IL20RA: variants seen among roughly 807,000 people sequenced by gnomAD.
IL20RA encodes the protein interleukin-20 receptor subunit alpha.
Under a neutral mutation model 36.5 loss-of-function variants are expected in IL20RA, and 29 were observed. The observed-to-expected ratio is 0.79, with a 90% CI of 0.59 to 1.08. IL20RA has a LOEUF of 1.08. Among genes scored for constraint, IL20RA ranks in the 50% least tolerant of loss-of-function variants. The probability of loss-of-function intolerance (pLI) is 0.00; values close to 1 mark genes in which losing one functional copy is unlikely to be tolerated. For missense variants in IL20RA, 652 were observed against 668.4 expected (o/e 0.98, Z 0.27); for synonymous variants, 279 against 267.1 (o/e 1.04, Z -0.43).
At chr6:137,024,666 T>C (rs1776022272) in intron 1 of IL20RA, among the ~76,000 whole-genome samples, 1 of 152,228 alleles carries the variant, frequency 6.6e-6, no homozygotes, top group African/African-American at 2.4e-5. Context: ...ACCTACCCTG[T>C]TTTTTCACAC....
intron 5 of IL20RA, among the ~76,000 whole-genome samples, chr6:137,006,334 C>T (rs1031751599): frequency 7.0e-4 from 106 of 152,322 alleles, no homozygotes; most frequent in African/African-American, 2.0e-3. Flanking sequence ...CAGAGACGTG[C>T]CAATGCTGTG....
chr6:137,001,448 C>T lies in IL20RA; in HGVS notation c.*110G>A. 2.2e-6 allele frequency: 2 copies of T among 909,792 alleles called. No homozygotes were observed. The highest frequency in any genetic ancestry group is 3.4e-6 in the Non-Finnish European group (2 of 591,482). The allele number at this position is 909,792 out of a possible 1,614,324, so 56.4% of individuals were successfully genotyped here. ...AAAAGAAATAAGTAATTCTCACAGA[C>T]ACTGACAAACTGGAAAAAACTTCTT... On this transcript the variant is annotated 3_prime_UTR_variant, in exon 7 of 7. Coordinates refer to ENST00000316649, the MANE Select transcript of IL20RA (RefSeq NM_014432.4).
chr6:137,026,242 A>T (rs1190206635), intron 1 of IL20RA, among the ~76,000 whole-genome samples: 1 of 152,220 alleles, frequency 6.6e-6, no homozygotes, highest in Non-Finnish European at 1.5e-5. Context: ...GATCTGTTGG[A>T]CACCAGGTCT....
At chr6:137,015,924 TG>T (rs1775667825) in intron 2 of IL20RA, among the ~76,000 whole-genome samples, 1 of 152,162 alleles carries the variant, frequency 6.6e-6, no homozygotes, top group African/African-American at 2.4e-5. Context: ...CCTAAAGTGC[TG>T]AGATTACAGG....
At chr6:137,018,849 T>TA (rs1201640445) in intron 1 of IL20RA, among the ~76,000 whole-genome samples, 1 of 152,198 alleles carries the variant, frequency 6.6e-6, no homozygotes, top group African/African-American at 2.4e-5. Context: ...TTTCCAGAGC[T>TA]AAAATGCTGT....
chr6:137,001,461 G>GA lies in IL20RA; in HGVS notation c.*96dup. On this transcript the variant is annotated 3_prime_UTR_variant, in exon 7 of 7. Coordinates refer to ENST00000316649, the MANE Select transcript of IL20RA (RefSeq NM_014432.4). ...AATTCTCACAGACACTGACAAACTGGAAAAAACTTCTTTCATCCCAGGTAC... is the reference window on the plus strand; with the variant it reads ...AATTCTCACAGACACTGACAAACTGGAAAAAAACTTCTTTCATCCCAGGTAC... The GA allele has an allele frequency of 8.5e-7, 1 of 1,170,836 alleles. No individual in the cohort carries two copies. Among genetic ancestry groups the GA allele is most frequent in the Non-Finnish European group, 1.2e-6 (1 of 829,552 alleles). 72.5% of individuals were successfully genotyped at this position (1,170,836 alleles called of 1,614,324 possible).
At chr6:137,003,801 GCCTCCTT>G (rs1775167463) in intron 6 of IL20RA, among the ~76,000 whole-genome samples, 1 of 152,098 alleles carries the variant, frequency 6.6e-6, no homozygotes, top group Admixed American at 6.6e-5. Context: ...CTCATCTGGA[GCCTCCTT>G]GTTTAGGGGT....
intron 1 of IL20RA, among the ~76,000 whole-genome samples, chr6:137,025,433 G>A (rs1458906008): frequency 6.6e-6 from 1 of 152,190 alleles, no homozygotes; most frequent in Non-Finnish European, 1.5e-5. Context: ...CCTTAGAAGT[G>A]TCAGAAATAA....
chr6:137,019,241 C>T (rs1248784267), intron 1 of IL20RA, among the ~76,000 whole-genome samples: 3 of 151,976 alleles, frequency 2.0e-5, no homozygotes, highest in Non-Finnish European at 2.9e-5. Flanking sequence ...ATTCTCTTGC[C>T]TCAGCCTCCC....
rs1775390365 is a variant in IL20RA, at chr6:137,009,343, C to A, written c.553G>T (p.Val185Leu). 1 of 1,613,742 alleles carries A rather than the reference C, an allele frequency of 6.2e-7. No individual in the cohort carries two copies. Among genetic ancestry groups the A allele is most frequent in the Non-Finnish European group, 8.5e-7 (1 of 1,179,714 alleles). The change falls in exon 4 of 7, where the codon GTG (valine) becomes TTG (leucine). Residue 185 changes from valine (V) to leucine (L), a missense_variant. Coordinates refer to ENST00000316649, the MANE Select transcript of IL20RA (RefSeq NM_014432.4). ...IYSNLKYNVS[V>L]LNTKSNRTWS... The stretch of plus-strand genomic sequence containing the variant: ...GTTCTGTTTGATTTAGTATTCAACA[C>A]AGACACGTTATACTTCAGATTGGAG...
At chr6:137,034,695 C>G (rs566985051) in intron 1 of IL20RA, among the ~76,000 whole-genome samples, 8 of 152,024 alleles carry the variant, frequency 5.3e-5, no homozygotes, top group Non-Finnish European at 8.8e-5. Context: ...AATCCCAGCA[C>G]TTTGGGAGGC....
chr6:137,008,643 C>A lies in IL20RA; in HGVS notation c.680G>T (p.Arg227Leu). 1 of 1,606,080 alleles carries A rather than the reference C, an allele frequency of 6.2e-7. No homozygotes were observed. Among genetic ancestry groups the A allele is most frequent in the Non-Finnish European group, 8.5e-7 (1 of 1,176,398 alleles). ...CTGCTTCTCAGAAGGCTGAGCACGGCGAGGGGGCCCTGGGACGAAGGACTC... is the reference window on the plus strand; with the variant it reads ...CTGCTTCTCAGAAGGCTGAGCACGGAGAGGGGGCCCTGGGACGAAGGACTC... Reference protein sequence around the residue: ...HVESFVPGPPRRAQPSEKQCA... With the variant: ...HVESFVPGPPLRAQPSEKQCA... The change falls in exon 5 of 7, where the codon CGC (arginine) becomes CTC (leucine). Residue 227 changes from arginine to leucine, a missense_variant. Physicochemically the swap from Arg to Leu is moderately radical, Grantham distance 102. Transcript: ENST00000316649.
chr6:137,021,174 T>C (rs1181815234), intron 1 of IL20RA, among the ~76,000 whole-genome samples: 1 of 151,958 alleles, frequency 6.6e-6, no homozygotes, highest in Non-Finnish European at 1.5e-5. Flanking sequence ...TAAATTGCTG[T>C]GGATTAGTAG....
At chr6:137,044,544 G>A in intron 1 of IL20RA, 97 bp downstream of exon 1, 3 of 1,154,758 alleles carry the variant, frequency 2.6e-6, no homozygotes, top group East Asian at 3.4e-5. Flanking sequence ...AAACCTGGCC[G>A]GCGGGCAGGA....
chr6:137,009,205 C>T, intron 4 of IL20RA, 112 bp downstream of exon 4: 2 of 932,586 alleles, frequency 2.1e-6, no homozygotes, highest in Non-Finnish European at 3.6e-6. Flanking sequence ...ATCTTTTGAA[C>T]ATCATGACTT....
At chr6:137,019,205 C>T (rs529437961) in intron 1 of IL20RA, among the ~76,000 whole-genome samples, 1 of 151,930 alleles carries the variant, frequency 6.6e-6, no homozygotes, top group Admixed American at 6.6e-5. Flanking sequence ...CAGCTCACTG[C>T]AACCTCCACT....
chr6:137,026,772 A>G (rs1015134980), intron 1 of IL20RA, among the ~76,000 whole-genome samples: 1 of 152,246 alleles, frequency 6.6e-6, no homozygotes, highest in African/African-American at 2.4e-5. Context: ...TCATGTTGAA[A>G]GGAACGGCAT....
chr6:137,035,314 A>G (rs1336733776), intron 1 of IL20RA, among the ~76,000 whole-genome samples: 1 of 152,220 alleles, frequency 6.6e-6, no homozygotes, highest in Admixed American at 6.5e-5. Flanking sequence ...GATGTGATAT[A>G]TACATATGCA....
Position 137,002,067 on chromosome 6 carries a change from G to C in IL20RA, c.1153C>G (p.Gln385Glu). The C allele has an allele frequency of 6.2e-7, 1 of 1,614,176 alleles. No homozygotes were observed. The highest frequency in any genetic ancestry group is 1.1e-5 in the South Asian group (1 of 91,086). The change falls in exon 7 of 7, where the codon CAA becomes GAA. Residue 385 changes from glutamine to glutamate, a missense_variant. Gln to Glu is a conservative substitution (Grantham distance 29, BLOSUM62 2). Transcript: ENST00000316649. The part of the protein sequence containing the change: ...ENTEGTSLTQ[Q>E]ESLSRTIPPD... The stretch of plus-strand genomic sequence containing the variant: ...GGTATTGTTCTGCTGAGGGACTCTT[G>C]CTGGGTGAGAGAAGTACCTTCCGTG...
Sources: gnomAD v4.1 joint callset for allele counts (sites outside exome capture counted in the v4.1 genomes callset) on GRCh38, gnomAD v4.1.1 for gene constraint, MANE v1.5 for transcripts, NCBI Gene and HGNC (gene_info 2026-07-23, HGNC 2026-07-21) for gene names.